The following PTCSC3 variants were observed in gnomAD, a reference collection of about 807,000 sequenced individuals.
PTCSC3 encodes papillary thyroid carcinoma susceptibility candidate 3.
At chr14:36,151,693 G>C (rs970501968) in intron 3 of PTCSC3, among the ~76,000 whole-genome samples, 1 of 152,134 alleles carries the variant, frequency 6.6e-6, no homozygotes, top group Non-Finnish European at 1.5e-5. Flanking sequence ...GCTTATGTGA[G>C]ACTGAAATTG....
At chr14:36,152,907 AAAAG>A (rs1476628009) in intron 3 of PTCSC3, among the ~76,000 whole-genome samples, 7 of 151,582 alleles carry the variant, frequency 4.6e-5, no homozygotes, top group East Asian at 1.9e-4. Flanking sequence ...AGGAAAAAAA[AAAAG>A]AAAGAAAGAA....
intron 1 of PTCSC3, among the ~76,000 whole-genome samples, chr14:36,163,459 AAAGAAAGGAAGGAGAGAGGGAGGGAGG>A (rs796770450): frequency 2.0e-5 from 3 of 152,058 alleles, no homozygotes; most frequent in African/African-American, 7.2e-5. Flanking sequence ...TTAAGGAACT[AAAGAAAGGAAGGAGAGAGGGAGGGAGG>A]AAGAAAGGAA....
intron 2 of PTCSC3, among the ~76,000 whole-genome samples, chr14:36,161,046 C>T (rs899183074): frequency 5.3e-5 from 8 of 152,194 alleles, no homozygotes; most frequent in African/African-American, 1.4e-4. Context: ...ATGAAGTTCT[C>T]GTGCTGTGTT....
At chr14:36,159,115 T>C (rs963031913) in intron 2 of PTCSC3, among the ~76,000 whole-genome samples, 8 of 152,186 alleles carry the variant, frequency 5.3e-5, no homozygotes, top group Admixed American at 3.9e-4. Flanking sequence ...TTTATCTTTT[T>C]TTATTGCATC....
At chr14:36,170,943 C>T (rs942908280) in intron 1 of PTCSC3, among the ~76,000 whole-genome samples, 3 of 152,150 alleles carry the variant, frequency 2.0e-5, no homozygotes, top group African/African-American at 7.2e-5. Context: ...AGCGATTTAA[C>T]CTTGTATGTA....
chr14:36,168,170 G>C (rs1364046197), intron 1 of PTCSC3, among the ~76,000 whole-genome samples: 1 of 151,744 alleles, frequency 6.6e-6, no homozygotes, highest in African/African-American at 2.4e-5. Context: ...ATATGACTTT[G>C]GCTGAATAGG....
chr14:36,142,903 C>T lies in PTCSC3; in HGVS notation n.323-6547G>A, dbSNP rs534773338. Among the ~76,000 whole-genome samples, 25 of 149,504 alleles carry T rather than the reference C, an allele frequency of 1.7e-4. 1 individual carries two copies. Among genetic ancestry groups the T allele is most frequent in the Non-Finnish European group, 2.4e-4 (16 of 67,696 alleles). ...GTTCCCACCTATGAGTGAGAATATG[C>T]GCTGTCTGGTTTTTTGTTATTGCGA... On this transcript the variant is annotated intron_variant and non_coding_transcript_variant, in intron 3 of 3. Coordinates refer to ENST00000556013, the Ensembl canonical transcript of PTCSC3.
chr14:36,150,086 T>G (rs1881688102), intron 3 of PTCSC3, among the ~76,000 whole-genome samples: 1 of 152,160 alleles, frequency 6.6e-6, no homozygotes, highest in South Asian at 2.1e-4. Flanking sequence ...AAAGTAGGAT[T>G]ATTGTTGGGT....
intron 3 of PTCSC3, among the ~76,000 whole-genome samples, chr14:36,144,226 T>A (rs28826328): frequency 0.095 from 14,017 of 147,334 alleles, 822 homozygotes; most frequent in Middle Eastern, 0.17. Flanking sequence ...GGGGATGGCG[T>A]TGAATCTGTA....
chr14:36,156,342 G>A (rs1032148220), intron 2 of PTCSC3, among the ~76,000 whole-genome samples: 22 of 152,188 alleles, frequency 1.4e-4, no homozygotes, highest in Admixed American at 1.0e-3. Context: ...CCTTCCTCCT[G>A]ATCAAACAGT....
At chr14:36,168,851 C>T (rs1882143915) in intron 1 of PTCSC3, among the ~76,000 whole-genome samples, 1 of 152,076 alleles carries the variant, frequency 6.6e-6, no homozygotes, top group African/African-American at 2.4e-5. Context: ...AAACTCCTGG[C>T]CTCAAGCCAT....
At chr14:36,153,492 G>A (rs549715176) in intron 3 of PTCSC3, among the ~76,000 whole-genome samples, 2 of 152,286 alleles carry the variant, frequency 1.3e-5, no homozygotes, top group East Asian at 3.9e-4. Flanking sequence ...ACAGTGTTAA[G>A]CAATGGAAAC....
intron 3 of PTCSC3, among the ~76,000 whole-genome samples, chr14:36,148,252 C>A (rs921757055): frequency 1.3e-5 from 2 of 152,188 alleles, no homozygotes; most frequent in African/African-American, 2.4e-5. Context: ...GCGGGCTCCC[C>A]TCCCCCAGCC....
chr14:36,148,378 T>C (rs903058040), intron 3 of PTCSC3, among the ~76,000 whole-genome samples: 1 of 152,218 alleles, frequency 6.6e-6, no homozygotes. Context: ...CGCCGTTTTT[T>C]AAGCCTGTCG....
intron 3 of PTCSC3, among the ~76,000 whole-genome samples, chr14:36,137,199 A>G (rs1566500722): frequency 6.6e-6 from 1 of 152,204 alleles, no homozygotes; most frequent in African/African-American, 2.4e-5. Flanking sequence ...TGAACGCTGC[A>G]GGTAGAGGCA....
chr14:36,167,280 G>T (rs1314678406), intron 1 of PTCSC3, among the ~76,000 whole-genome samples: 2 of 152,224 alleles, frequency 1.3e-5, no homozygotes, highest in East Asian at 3.9e-4. Context: ...CAGGAAGCTA[G>T]CTGGCCCATT....
chr14:36,143,682 T>G (rs1881482019), intron 3 of PTCSC3, among the ~76,000 whole-genome samples: 1 of 148,388 alleles, frequency 6.7e-6, no homozygotes, highest in African/African-American at 2.5e-5. Flanking sequence ...ATTTGTCAAT[T>G]TTGGCTTTTG....
chr14:36,150,696 A>C (rs1047971424), intron 3 of PTCSC3, among the ~76,000 whole-genome samples: 2 of 152,126 alleles, frequency 1.3e-5, no homozygotes, highest in African/African-American at 4.8e-5. Context: ...CGATTAAAAA[A>C]TTTTTAGGCC....
intron 3 of PTCSC3, among the ~76,000 whole-genome samples, chr14:36,148,893 ATAATT>A (rs560337820): frequency 5.5e-4 from 83 of 152,150 alleles, no homozygotes; most frequent in African/African-American, 1.9e-3. Flanking sequence ...TCTGATACTA[ATAATT>A]TATTTTTACA....
Sources: allele counts gnomAD v4.1 joint callset (sites outside exome capture counted in the v4.1 genomes callset), GRCh38; gene constraint gnomAD v4.1.1; transcripts MANE v1.5; gene names NCBI Gene and HGNC (gene_info 2026-07-23, HGNC 2026-07-21).